The following NCKAP1 variants were observed in gnomAD, a reference collection of about 807,000 sequenced individuals.
The protein encoded by NCKAP1 is nck-associated protein 1.
NCKAP1 carries 21 observed loss-of-function variants against 151.2 expected under a neutral mutation model. That is an observed-to-expected ratio of 0.14 (90% CI 0.10 to 0.20). The LOEUF (loss-of-function observed/expected upper bound fraction) is 0.20, where lower values mean the gene tolerates loss of function less well. Ranked by LOEUF, NCKAP1 falls within the 10% of genes least tolerant of loss-of-function variation. The pLI is 1.00. For missense variants in NCKAP1, 933 were observed against 1,352.1 expected (o/e 0.69, Z 4.86); for synonymous variants, 484 against 451.8 (o/e 1.07, Z -0.90).
chr2:182,931,271 GA>G (rs1696757458), intron 26 of NCKAP1, among the ~76,000 whole-genome samples: 1 of 151,834 alleles, frequency 6.6e-6, no homozygotes, highest in Non-Finnish European at 1.5e-5. Context: ...TCTGATAAGG[GA>G]ATTTCTAATA....
At chr2:183,011,186 C>G (rs1053741888) in intron 2 of NCKAP1, among the ~76,000 whole-genome samples, 2 of 152,146 alleles carry the variant, frequency 1.3e-5, no homozygotes, top group Admixed American at 1.3e-4. Flanking sequence ...TTTTGCCTAA[C>G]CGGACTCAAC....
chr2:182,991,696 G>C (rs1698174476), intron 8 of NCKAP1, among the ~76,000 whole-genome samples: 1 of 151,198 alleles, frequency 6.6e-6, no homozygotes, highest in African/African-American at 2.4e-5. Flanking sequence ...TCTTAAAACA[G>C]AAGACCAAGT....
rs548665081 is a variant in NCKAP1 at position 182,943,668 on chromosome 2, C to T, written c.2602-1505G>A. ...GAAAAAAAAAACCCAACTACTAACA[C>T]TATAAGATACATACCATTTCAGAAA... On this transcript the variant is annotated intron_variant, in intron 23 of 30. Transcript: ENST00000361354. 2.0e-5 allele frequency among the ~76,000 whole-genome samples: 3 copies of T among 152,062 alleles called. No individual in the cohort carries two copies. In the South Asian group the frequency reaches 6.2e-4, roughly 32 times the overall value.
chr2:182,943,077 T>C (rs1484560768), intron 23 of NCKAP1, among the ~76,000 whole-genome samples: 1 of 152,198 alleles, frequency 6.6e-6, no homozygotes, highest in East Asian at 1.9e-4. Flanking sequence ...TACAAAGTTC[T>C]TGTAAATCAG....
intron 10 of NCKAP1, among the ~76,000 whole-genome samples, chr2:182,984,514 TA>T (rs1199553087): frequency 1.3e-5 from 2 of 151,900 alleles, no homozygotes; most frequent in African/African-American, 2.4e-5. Flanking sequence ...TGTGACACAG[TA>T]GATCAGTTTC....
At chr2:182,967,538 AT>A (rs1193018683) in intron 15 of NCKAP1, among the ~76,000 whole-genome samples, 177 bp from the exon 16 acceptor site, 2 of 152,204 alleles carry the variant, frequency 1.3e-5, no homozygotes, top group Non-Finnish European at 2.9e-5. Flanking sequence ...CCTATCAAGA[AT>A]TTATTTAGTA....
intron 18 of NCKAP1, among the ~76,000 whole-genome samples, chr2:182,959,853 C>G (rs1319748262): frequency 3.9e-5 from 6 of 152,092 alleles, no homozygotes; most frequent in Non-Finnish European, 8.8e-5. Context: ...TGTCTCAGCC[C>G]AAAATCTCAA....
At chr2:182,991,404 C>A (rs1284412718) in intron 8 of NCKAP1, among the ~76,000 whole-genome samples, 2 of 151,968 alleles carry the variant, frequency 1.3e-5, no homozygotes, top group East Asian at 1.9e-4. Context: ...ACTAAAAATA[C>A]AAAAATTAGC....
intron 26 of NCKAP1, among the ~76,000 whole-genome samples, chr2:182,933,600 T>C (rs370548092): frequency 6.6e-6 from 1 of 151,714 alleles, no homozygotes; most frequent in South Asian, 2.1e-4. Flanking sequence ...TTCATGTTGG[T>C]CGGGCTGGTC....
In NCKAP1 at chr2:182,911,048, G is replaced by T. The variant is rs1039711488; in HGVS notation, c.*14654C>A. The T allele has an allele frequency of 1.3e-5, 2 of 151,256 alleles. No individual in the cohort carries two copies. Among genetic ancestry groups the T allele is most frequent in the Non-Finnish European group, 2.9e-5 (2 of 67,866 alleles). The allele number at this position is 151,256 out of a possible 1,614,324, so 9.4% of individuals were successfully genotyped here. A position where few individuals can be genotyped will look rare whatever the true frequency, so the allele number is the denominator to read the frequency against. ...CCCGGCCATGATGGGATGGGAGGTT[G>T]GGCACATCTCATTATACCCCCTCCT... On this transcript the variant is annotated 3_prime_UTR_variant, in exon 31 of 31. Coordinates refer to ENST00000361354, the MANE Select transcript of NCKAP1 (RefSeq NM_013436.5).
At chr2:182,982,750 G>T in intron 12 of NCKAP1, 71 bp downstream of exon 12, 2 of 983,362 alleles carry the variant, frequency 2.0e-6, no homozygotes, top group Non-Finnish European at 1.5e-6. Context: ...AGGTCTATCA[G>T]GACATAACCC....
intron 6 of NCKAP1, among the ~76,000 whole-genome samples, chr2:182,999,206 G>T (rs1294552318): frequency 6.6e-6 from 1 of 151,946 alleles, no homozygotes; most frequent in African/African-American, 2.4e-5. Flanking sequence ...AAAATAAAGA[G>T]ACAACTTACA....
chr2:183,005,897 C>T (rs955342231), intron 2 of NCKAP1, among the ~76,000 whole-genome samples: 2 of 152,158 alleles, frequency 1.3e-5, no homozygotes, highest in Admixed American at 1.3e-4. Context: ...AGTTTAAATG[C>T]TAATCCCATT....
chr2:182,963,544 CAA>C (rs914272621), intron 17 of NCKAP1, among the ~76,000 whole-genome samples: 3 of 152,072 alleles, frequency 2.0e-5, no homozygotes, highest in African/African-American at 7.2e-5. Flanking sequence ...ATGGCAGAAG[CAA>C]AGAGACCACT....
intron 1 of NCKAP1, among the ~76,000 whole-genome samples, chr2:183,036,668 T>C (rs935881960): frequency 6.6e-6 from 1 of 152,162 alleles, no homozygotes; most frequent in Non-Finnish European, 1.5e-5. Flanking sequence ...TTTAGAGTAA[T>C]AAAGCCTTGC....
At chr2:183,004,886 A>AT (rs1458435382) in intron 2 of NCKAP1, among the ~76,000 whole-genome samples, 2 of 150,194 alleles carry the variant, frequency 1.3e-5, no homozygotes, top group African/African-American at 2.4e-5. Flanking sequence ...CTCCATCTCA[A>AT]AAAAAAAAAA....
intron 10 of NCKAP1, among the ~76,000 whole-genome samples, chr2:182,985,734 T>G (rs906952699): frequency 7.1e-6 from 1 of 141,104 alleles, no homozygotes; most frequent in Non-Finnish European, 1.5e-5. Context: ...ACCCGGGAGG[T>G]GGAGACTGCA....
At position 182,916,773 on chromosome 2, in the gene NCKAP1, A is replaced by G. The variant is rs1575005593; in HGVS notation, c.*8929T>C. ...CTTTACATCTTATACATTTTTGTGT[A>G]TAGTATATAAAAATATAGTATAACA... On this transcript the variant is annotated 3_prime_UTR_variant, in exon 31 of 31. Coordinates refer to ENST00000361354, the MANE Select transcript of NCKAP1 (RefSeq NM_013436.5). 6.6e-6 allele frequency: 1 copy of G among 152,228 alleles called. No individual in the cohort carries two copies. The highest frequency in any genetic ancestry group is 1.5e-5 in the Non-Finnish European group (1 of 68,036). 9.4% of individuals were successfully genotyped at this position (152,228 alleles called of 1,614,324 possible).
At chr2:182,938,683 G>T (rs1696931134) in intron 24 of NCKAP1, among the ~76,000 whole-genome samples, 1 of 152,138 alleles carries the variant, frequency 6.6e-6, no homozygotes, top group African/African-American at 2.4e-5. Context: ...TGGCTTTCAG[G>T]GTGCAGGAGA....
Sources: allele counts gnomAD v4.1 joint callset (sites outside exome capture counted in the v4.1 genomes callset), GRCh38; gene constraint gnomAD v4.1.1; transcripts MANE v1.5; gene names NCBI Gene and HGNC (gene_info 2026-07-23, HGNC 2026-07-21).